GOLGA6L9: variants seen among roughly 807,000 people sequenced by gnomAD.
GOLGA6L9 encodes the protein golgin A6 family like 9.
In GOLGA6L9, 19 loss-of-function variants were observed where a neutral mutation model predicts 51.3. The ratio of observed to expected loss-of-function variants is 0.37; its 90% CI spans 0.26 to 0.54. The LOEUF (loss-of-function observed/expected upper bound fraction) is 0.54. Ranked by LOEUF, GOLGA6L9 falls within the 20% of genes least tolerant of loss-of-function variation. GOLGA6L9 has a pLI of 0.83. For missense variants in GOLGA6L9, 247 were observed against 464.1 expected, an observed-to-expected ratio of 0.53 and a Z score of 4.30; for synonymous variants, 97 against 184.2, an observed-to-expected ratio of 0.53 and a Z score of 3.83.
At position 82,434,257 on chromosome 15, in the gene GOLGA6L9, G is replaced by C. The variant is rs2031557650; in HGVS notation, c.657G>C (p.Glu219Asp). The C allele has an allele frequency of 6.4e-7, 1 of 1,551,366 alleles. No individual in the cohort carries two copies. Among genetic ancestry groups the C allele is most frequent in the Admixed American group, 1.9e-5 (1 of 53,092 alleles). The change falls in exon 6 of 9, where the codon GAG becomes GAC. Residue 219 changes from glutamate to aspartate, a missense_variant. Transcript: ENST00000618348. Reference sequence around the variant, plus strand: ...AGGAGGAGAGGCTGTGTGAACAGGAGGAGAGGCTGTGTGAACAGGAGGAGA... The same window carrying C: ...AGGAGGAGAGGCTGTGTGAACAGGACGAGAGGCTGTGTGAACAGGAGGAGA... ...REQEERLCEQEERLCEQEERL... is the reference protein window; with the variant it reads ...REQEERLCEQDERLCEQEERL...
At chr15:82,430,189 C>A in intron 1 of GOLGA6L9, 26 bp downstream of exon 1, 2 of 585,836 alleles carry the variant, frequency 3.4e-6, no homozygotes, top group Admixed American at 2.7e-5. Context: ...TCATGGCCCC[C>A]AACCCAGCCA....
At chr15:82,434,832 T>C in intron 6 of GOLGA6L9, 37 bp from the exon 7 acceptor site, 1 of 1,461,582 alleles carries the variant, frequency 6.8e-7, no homozygotes, top group East Asian at 2.6e-5. Flanking sequence ...GGTCTCCAGT[T>C]TTAGTGGGTG....
chr15:82,418,962 C>G, the GOLGA6L9 span, among the ~76,000 whole-genome samples: 6 of 152,164 alleles, frequency 3.9e-5, no homozygotes, highest in Admixed American at 3.3e-4. Context: ...ATAAAAATTT[C>G]AAAGTATTCT....
chr15:82,419,943 G>A, the GOLGA6L9 span: 11 of 282,734 alleles, frequency 3.9e-5, no homozygotes, highest in Admixed American at 2.5e-4. Context: ...AACCAGGAAC[G>A]CTGCTGTGTT....
the GOLGA6L9 span, chr15:82,419,064 A>G: frequency 6.5e-6 from 1 of 155,030 alleles, no homozygotes; most frequent in Non-Finnish European, 1.4e-5. Flanking sequence ...CTATAATCCT[A>G]TATGCCTAAC....
At chr15:82,424,399 T>C in the GOLGA6L9 span, among the ~76,000 whole-genome samples, 1 of 152,100 alleles carries the variant, frequency 6.6e-6, no homozygotes, top group African/African-American at 2.4e-5. Context: ...TAAGGGTAAG[T>C]AGAAATTTTT....
chr15:82,419,995 T>C, the GOLGA6L9 span: 1 of 430,424 alleles, frequency 2.3e-6, no homozygotes, highest in Non-Finnish European at 4.6e-6. Context: ...AAGCAGTGCC[T>C]ACTCGATAGA....
rs1046774457 is a variant in GOLGA6L9, at chr15:82,438,565, A to C, written c.*2154A>C. On this transcript the variant is annotated 3_prime_UTR_variant, in exon 9 of 9. Transcript: ENST00000618348. ...GCCTTTAATTTGCTTAGAAGGCAACATTAGAAGGTTAGAGTTCAGCAGGAA... is the reference window on the plus strand; with the variant it reads ...GCCTTTAATTTGCTTAGAAGGCAACCTTAGAAGGTTAGAGTTCAGCAGGAA... The C allele has an allele frequency of 6.8e-6, 1 of 147,098 alleles. No individual in the cohort carries two copies. The highest frequency in any genetic ancestry group is 2.5e-5 in the African/African-American group (1 of 39,820). 9.1% of individuals were successfully genotyped at this position (147,098 alleles called of 1,614,324 possible).
the GOLGA6L9 span, among the ~76,000 whole-genome samples, chr15:82,418,474 A>G: frequency 3.3e-5 from 5 of 152,258 alleles, no homozygotes; most frequent in African/African-American, 7.2e-5. Flanking sequence ...TTGTTCTAAA[A>G]CTATCATTCC....
the GOLGA6L9 span, among the ~76,000 whole-genome samples, chr15:82,416,295 TCAAA>T: frequency 6.6e-6 from 1 of 152,192 alleles, no homozygotes; most frequent in African/African-American, 2.4e-5. Flanking sequence ...TATTTTGTAC[TCAAA>T]CAGTTCTGTG....
At chr15:82,433,922 C>T in intron 5 of GOLGA6L9, 112 bp from the exon 6 acceptor site, 1 of 1,387,652 alleles carries the variant, frequency 7.2e-7, no homozygotes, top group South Asian at 1.5e-5. Flanking sequence ...GAGTCATTAG[C>T]AGTGAGGCCA....
In GOLGA6L9 at chr15:82,437,936, G is replaced by GC. The variant is rs2031765265; in HGVS notation, c.*1526dup. The GC allele has an allele frequency of 6.6e-6, 1 of 151,034 alleles. No homozygotes were observed. Among genetic ancestry groups the GC allele is most frequent in the Non-Finnish European group, 1.5e-5 (1 of 67,776 alleles). 9.4% of individuals were successfully genotyped at this position (151,034 alleles called of 1,614,324 possible). On this transcript the variant is annotated 3_prime_UTR_variant, in exon 9 of 9. Transcript: ENST00000618348. ...TTATACCTCTCAGTTTCAGTTAGAG[G>GC]CATATTTTGTGTAATATTTATGGCT...
chr15:82,416,877 T>G, the GOLGA6L9 span, among the ~76,000 whole-genome samples: 3 of 152,206 alleles, frequency 2.0e-5, no homozygotes, highest in Non-Finnish European at 4.4e-5. Context: ...TAAGTCTCAC[T>G]CTTTGAAGTG....
At chr15:82,432,794 C>G in intron 3 of GOLGA6L9, 23 bp from the exon 4 acceptor site, 1 of 1,602,024 alleles carries the variant, frequency 6.2e-7, no homozygotes, top group Non-Finnish European at 8.5e-7. Context: ...TTCTCCAACT[C>G]CTTCTCTCTG....
Position 82,438,395 on chromosome 15 carries a change from T to G in GOLGA6L9, c.*1984T>G, listed in dbSNP as rs1047756. ...CTCTGTGTAGGTATTTTGTCATATG[T>G]TTAAGAAAAAGCTAAAGAGAATGGA... On this transcript the variant is annotated 3_prime_UTR_variant, in exon 9 of 9. Coordinates refer to ENST00000618348, the MANE Select transcript of GOLGA6L9 (RefSeq NM_198181.4). The G allele has an allele frequency of 4.0e-5, 6 of 151,486 alleles. No homozygotes were observed. The highest frequency in any genetic ancestry group is 8.8e-5 in the Non-Finnish European group (6 of 67,800). The allele number at this position is 151,486 out of a possible 1,614,324, so 9.4% of individuals were successfully genotyped here.
the GOLGA6L9 span, among the ~76,000 whole-genome samples, chr15:82,417,100 A>G: frequency 6.6e-6 from 1 of 152,232 alleles, no homozygotes; most frequent in Non-Finnish European, 1.5e-5. Flanking sequence ...ATAGAATCAT[A>G]CAAAATGTGG....
upstream of GOLGA6L9, among the ~76,000 whole-genome samples, chr15:82,427,199 C>A (rs1393740608): frequency 1.4e-5 from 2 of 147,874 alleles, no homozygotes; most frequent in Non-Finnish European, 3.0e-5. Context: ...CCTTTCCTTT[C>A]CCTTTCTTTC....
At chr15:82,416,787 T>G in the GOLGA6L9 span, among the ~76,000 whole-genome samples, 2 of 152,260 alleles carry the variant, frequency 1.3e-5, no homozygotes, top group Non-Finnish European at 2.9e-5. Context: ...TATGTCCATA[T>G]CTTTGAGCTA....
chr15:82,417,800 G>A, the GOLGA6L9 span, among the ~76,000 whole-genome samples: 4 of 152,252 alleles, frequency 2.6e-5, no homozygotes, highest in East Asian at 7.7e-4. Flanking sequence ...GAGCAGTTGT[G>A]GAACCAAAAT....
Sources: allele counts gnomAD v4.1 joint callset (sites outside exome capture counted in the v4.1 genomes callset), GRCh38; gene constraint gnomAD v4.1.1; transcripts MANE v1.5; gene names NCBI Gene and HGNC (gene_info 2026-07-23, HGNC 2026-07-21).